The following CDK19 variants were observed in gnomAD, a reference collection of about 807,000 sequenced individuals.
CDK19 encodes the protein cyclin-dependent kinase 19.
A neutral mutation model predicts 68.3 loss-of-function variants in CDK19; 20 were observed. The observed-to-expected ratio is 0.29, with a 90% CI of 0.21 to 0.43. The LOEUF is 0.43. Among genes scored for constraint, CDK19 ranks in the 20% least tolerant of loss-of-function variants. The pLI, the probability that CDK19 is intolerant of heterozygous loss-of-function variation, is 1.00. For missense variants in CDK19, 339 were observed against 623.5 expected, an observed-to-expected ratio of 0.54 and a Z score of 4.86; for synonymous variants, 221 against 222.8, an observed-to-expected ratio of 0.99 and a Z score of 0.07.
intron 1 of CDK19, among the ~76,000 whole-genome samples, chr6:110,809,062 A>G (rs948870684): frequency 4.0e-5 from 6 of 151,826 alleles, no homozygotes; most frequent in African/African-American, 1.5e-4. Flanking sequence ...AAAAAAAAAA[A>G]AAATTAGCCG....
intron 1 of CDK19, among the ~76,000 whole-genome samples, chr6:110,789,533 T>C (rs1427696282): frequency 6.6e-6 from 1 of 152,176 alleles, no homozygotes; most frequent in African/African-American, 2.4e-5. Context: ...CGCCTCGGCC[T>C]CCCAAAGTGC....
chr6:110,781,219 A>C (rs1780792926), intron 1 of CDK19, among the ~76,000 whole-genome samples: 1 of 152,212 alleles, frequency 6.6e-6, no homozygotes, highest in Non-Finnish European at 1.5e-5. Flanking sequence ...GGCCTCAGGA[A>C]GCTTTCAATC....
At chr6:110,803,671 A>G (rs1344034236) in intron 1 of CDK19, among the ~76,000 whole-genome samples, 1 of 152,226 alleles carries the variant, frequency 6.6e-6, no homozygotes, top group Non-Finnish European at 1.5e-5. Flanking sequence ...TGCAATTACA[A>G]TAACTACACT....
intron 2 of CDK19, among the ~76,000 whole-genome samples, chr6:110,736,844 C>T (rs893064687): frequency 6.6e-6 from 1 of 152,172 alleles, no homozygotes; most frequent in Non-Finnish European, 1.5e-5. Flanking sequence ...TCTTTCTTCA[C>T]TCTGCATTTA....
chr6:110,774,012 C>T (rs1212566950), intron 1 of CDK19: 1 of 152,082 alleles, frequency 6.6e-6, no homozygotes. Context: ...ACATAAAATG[C>T]CAAATGCCTA....
intron 1 of CDK19, among the ~76,000 whole-genome samples, chr6:110,798,570 A>C (rs1217051333): frequency 6.8e-6 from 1 of 147,884 alleles, no homozygotes; most frequent in Non-Finnish European, 1.5e-5. Context: ...GGTTGCAGTG[A>C]GCCAAGATCG....
intron 1 of CDK19, among the ~76,000 whole-genome samples, chr6:110,749,321 G>T (rs1772518486): frequency 6.6e-6 from 1 of 151,834 alleles, no homozygotes; most frequent in African/African-American, 2.4e-5. Flanking sequence ...TAACAAAATA[G>T]AACAAATAAA....
At chr6:110,812,540 T>G (rs1177075418) in intron 1 of CDK19, among the ~76,000 whole-genome samples, 1 of 152,208 alleles carries the variant, frequency 6.6e-6, no homozygotes, top group Non-Finnish European at 1.5e-5. Context: ...GAAATAACAT[T>G]TTGCTAACTG....
chr6:110,712,007 G>A (rs371756163), intron 2 of CDK19, among the ~76,000 whole-genome samples: 3 of 152,116 alleles, frequency 2.0e-5, no homozygotes, highest in Non-Finnish European at 2.9e-5. Flanking sequence ...CGAACTTCAG[G>A]TAGTTTTTGG....
At chr6:110,674,535 A>C (rs1771311153) in intron 2 of CDK19, among the ~76,000 whole-genome samples, 1 of 152,214 alleles carries the variant, frequency 6.6e-6, no homozygotes, top group East Asian at 1.9e-4. Flanking sequence ...TAAGAAAGCA[A>C]AACAGCCTTA....
At chr6:110,805,064 C>T (rs1396470542) in intron 1 of CDK19, among the ~76,000 whole-genome samples, 5 of 152,264 alleles carry the variant, frequency 3.3e-5, no homozygotes, top group Admixed American at 3.3e-4. Context: ...ATAACTACTG[C>T]TGCACACTTG....
chr6:110,652,018 G>A (rs935941005), intron 4 of CDK19, among the ~76,000 whole-genome samples: 1 of 152,020 alleles, frequency 6.6e-6, no homozygotes, highest in Non-Finnish European at 1.5e-5. Flanking sequence ...AGGTTGCAGT[G>A]AGCTGAGATC....
intron 1 of CDK19, among the ~76,000 whole-genome samples, chr6:110,764,819 C>T (rs140206439): frequency 0.01 from 1,550 of 151,978 alleles, 27 homozygotes; most frequent in African/African-American, 0.034. Context: ...GGCGTGATGG[C>T]AGGCACCTGT....
chr6:110,751,023 A>C (rs1002135137), intron 1 of CDK19, among the ~76,000 whole-genome samples: 5 of 151,952 alleles, frequency 3.3e-5, no homozygotes, highest in African/African-American at 1.2e-4. Flanking sequence ...TTTGGTAGAG[A>C]TAGGGTTTCA....
intron 1 of CDK19, among the ~76,000 whole-genome samples, chr6:110,781,334 G>A (rs960947614): frequency 2.0e-5 from 3 of 152,062 alleles, no homozygotes; most frequent in Non-Finnish European, 1.5e-5. Context: ...ATCTCCCTGG[G>A]AACCGATAGA....
intron 3 of CDK19, among the ~76,000 whole-genome samples, chr6:110,669,484 C>T (rs1770806227): frequency 6.6e-6 from 1 of 151,984 alleles, no homozygotes; most frequent in Non-Finnish European, 1.5e-5. Flanking sequence ...CTCAAACAAA[C>T]AAACAAACAA....
At chr6:110,724,127 G>T (rs982805187) in intron 2 of CDK19, among the ~76,000 whole-genome samples, 12 of 152,308 alleles carry the variant, frequency 7.9e-5, no homozygotes, top group African/African-American at 2.6e-4. Flanking sequence ...GCCGAGGCGG[G>T]TGGATCACCT....
chr6:110,688,546 C>G (rs759704473), intron 2 of CDK19, among the ~76,000 whole-genome samples: 3 of 151,982 alleles, frequency 2.0e-5, no homozygotes, highest in Non-Finnish European at 2.9e-5. Flanking sequence ...CAGCCTACAC[C>G]GTGAACCAGG....
chr6:110,712,112 A>G (rs1582922960), intron 2 of CDK19, among the ~76,000 whole-genome samples: 1 of 152,368 alleles, frequency 6.6e-6, no homozygotes, highest in Middle Eastern at 3.4e-3. Context: ...TATGTAGGCC[A>G]TTAACAGACA....
Sources: gnomAD v4.1 joint callset for allele counts (sites outside exome capture counted in the v4.1 genomes callset) on GRCh38, gnomAD v4.1.1 for gene constraint, MANE v1.5 for transcripts, NCBI Gene and HGNC (gene_info 2026-07-23, HGNC 2026-07-21) for gene names.